FER1L5: variants seen among roughly 807,000 people sequenced by gnomAD.
FER1L5 encodes the protein fer-1-like protein 5.
FER1L5 carries 187 observed loss-of-function variants against 279.9 expected under a neutral mutation model. The ratio of observed to expected loss-of-function variants is 0.67; its 90% CI spans 0.59 to 0.75. FER1L5 has a LOEUF of 0.75. FER1L5 is among the 30% of genes least tolerant of loss of function. FER1L5 has a pLI of 0.00. For missense variants in FER1L5, 2,091 were observed against 2,594.4 expected (o/e 0.81, Z 4.21); for synonymous variants, 921 against 989.7 (o/e 0.93, Z 1.30).
At position 96,703,021 on chromosome 2, in the gene FER1L5, C is replaced by G; in HGVS notation, c.5441C>G (p.Ala1814Gly). Reference protein sequence around the residue: ...SLDATSMKFPARLIIQVWDND... With the variant: ...SLDATSMKFPGRLIIQVWDND... ...GATGCCACGTCCATGAAGTTCCCAG[C>G]CCGACTTATCATCCAGGTCTGGGAC... The change falls in exon 49 of 53, where the codon GCC (alanine) becomes GGC (glycine). Residue 1814 changes from alanine to glycine, a missense_variant. By Grantham distance (60) the Ala-to-Gly change is moderately conservative. Coordinates refer to ENST00000624922, the MANE Select transcript of FER1L5 (RefSeq NM_001293083.2). 6.2e-7 allele frequency: 1 copy of G among 1,613,408 alleles called. No homozygotes were observed. Among genetic ancestry groups the G allele is most frequent in the South Asian group, 1.1e-5 (1 of 90,900 alleles).
chr2:96,700,807 A>G (rs1182827998), intron 45 of FER1L5, among the ~76,000 whole-genome samples: 1 of 152,216 alleles, frequency 6.6e-6, no homozygotes, highest in Non-Finnish European at 1.5e-5. Flanking sequence ...CAGGTCAGAC[A>G]GCGCAGACAT....
In FER1L5 at chr2:96,704,217, G is replaced by A. The variant is rs781321691; in HGVS notation, c.5804G>A (p.Arg1935His). Residue 1935 changes from arginine to histidine, a missense_variant and splice_region_variant, in exon 52 of 53, where the codon CGC (arginine) becomes CAC (histidine). By Grantham distance (29) the Arg-to-His change is conservative (BLOSUM62 0). Coordinates refer to ENST00000624922, the MANE Select transcript of FER1L5 (RefSeq NM_001293083.2). The part of the protein sequence containing the change: ...NQYPTLHPPL[R>H]TNTSFTWLRS... Reference sequence around the variant, plus strand: ...ACATCTCCCTGGCTCCTGGACAGACGCACCAACACCTCTTTCACGTGGCTG... The same window carrying A: ...ACATCTCCCTGGCTCCTGGACAGACACACCAACACCTCTTTCACGTGGCTG... 3 of 1,613,720 alleles carry A rather than the reference G, an allele frequency of 1.9e-6. No homozygotes were observed. The highest frequency in any genetic ancestry group is 2.5e-6 in the Non-Finnish European group (3 of 1,179,842).
intron 8 of FER1L5, 188 bp from the exon 9 acceptor site, chr2:96,654,258 T>A: frequency 2.6e-6 from 1 of 385,892 alleles, no homozygotes; most frequent in African/African-American, 2.1e-5. Context: ...AAAATGGAAT[T>A]AAAAATCTGA....
At chr2:96,665,711 G>A (rs1188010474) in intron 14 of FER1L5, among the ~76,000 whole-genome samples, 1 of 151,230 alleles carries the variant, frequency 6.6e-6, no homozygotes. Context: ...TTTAAGCTAT[G>A]AGTAGCTGGG....
In FER1L5 at chr2:96,702,504, C is replaced by G. The variant is rs2077622312; in HGVS notation, c.5256-96C>G. The G allele has an allele frequency of 3.9e-6, 6 of 1,549,164 alleles. No individual in the cohort carries two copies. In the Admixed American group the frequency reaches 9.8e-5, roughly 25 times the overall value. ...GAATGGGACACCTCTCCATCCAGCT[C>G]TGCCTGGCGTCGGCTGGGCAGCCCT... On this transcript the variant is annotated intron_variant, in intron 47 of 52. Coordinates refer to ENST00000624922, the MANE Select transcript of FER1L5 (RefSeq NM_001293083.2). This position sits in a 1 kb window ranked among gnomAD's most constrained non-coding sequence, Gnocchi z 4.0.
At chr2:96,656,748 CTT>C (rs749398039) in intron 9 of FER1L5, among the ~76,000 whole-genome samples, 26 of 140,594 alleles carry the variant, frequency 1.8e-4, no homozygotes, top group Admixed American at 3.6e-4. Context: ...CCCACTTCCT[CTT>C]TTTTTTTTTT....
At chr2:96,665,096 C>T (rs1310423538) in intron 14 of FER1L5, among the ~76,000 whole-genome samples, 1 of 152,162 alleles carries the variant, frequency 6.6e-6, no homozygotes, top group Non-Finnish European at 1.5e-5. Context: ...CGGAGTCTTA[C>T]TGGCCTTTTG....
intron 6 of FER1L5, among the ~76,000 whole-genome samples, chr2:96,651,291 CT>C (rs2075364703): frequency 1.3e-4 from 18 of 135,470 alleles, no homozygotes; most frequent in Admixed American, 3.0e-4. Context: ...TTCTTTCTTT[CT>C]TTCTTTCTTC....
chr2:96,659,346 C>CTTTCTTTCTTTCTTTCTTTCTTTCTTTCT (rs1558853285), intron 9 of FER1L5, among the ~76,000 whole-genome samples: 1 of 78,348 alleles, frequency 1.3e-5, no homozygotes. Flanking sequence ...TCCTTCCTTC[C>CTTTCTTTCTTTCTTTCTTTCTTTCTTTCT]TTCCTTCCTT....
chr2:96,659,330 C>T (rs1014058722), intron 9 of FER1L5, among the ~76,000 whole-genome samples: 11 of 77,072 alleles, frequency 1.4e-4, no homozygotes, highest in East Asian at 8.6e-4. Flanking sequence ...TCCTTCCTTC[C>T]TTCCTTCCTT....
chr2:96,689,434 C>G lies in FER1L5; in HGVS notation c.2525+58C>G. ...GGACACTTCACCTGGGAGGGCCAGT[C>G]CGCGGCAGCCCAGAAAGATGGGTAC... On this transcript the variant is annotated intron_variant, in intron 25 of 52. Coordinates refer to ENST00000624922, the MANE Select transcript of FER1L5 (RefSeq NM_001293083.2). The surrounding 1 kb of genome is among the most constrained non-coding windows in gnomAD (Gnocchi z 4.6). 3.3e-6 allele frequency: 5 copies of G among 1,534,900 alleles called. No homozygotes were observed. In the South Asian group the frequency reaches 6.1e-5, roughly 19 times the overall value.
rs1392362848 is a variant in FER1L5, at chr2:96,691,566, A to AC, written c.3030dup (p.Lys1011GlnfsTer62). ...TGCTGGCGCCGCAGGCTGGCCCCCAACAAGGACAAGGGCATCGCGCCCATA... is the reference window on the plus strand; with the variant it reads ...TGCTGGCGCCGCAGGCTGGCCCCCAACCAAGGACAAGGGCATCGCGCCCATA... On this transcript the variant is annotated frameshift_variant, in exon 29 of 53. Transcript: ENST00000624922. LOFTEE classifies it high-confidence loss of function. This position sits in a 1 kb window ranked among gnomAD's most constrained non-coding sequence, Gnocchi z 6.0. 3 of 1,548,348 alleles carry AC rather than the reference A, an allele frequency of 1.9e-6. No individual in the cohort carries two copies. In the Admixed American group the frequency reaches 6.0e-5, roughly 31 times the overall value.
chr2:96,662,197 T>G lies in FER1L5; in HGVS notation c.1019-18T>G. 6.4e-7 allele frequency: 1 copy of G among 1,551,426 alleles called. No homozygotes were observed. Among genetic ancestry groups the G allele is most frequent in the Non-Finnish European group, 8.7e-7 (1 of 1,146,768 alleles). On this transcript the variant is annotated intron_variant, in intron 12 of 52. Transcript: ENST00000624922. ...AAAATGCTGCTGGCTCAGATATCTT[T>G]TAACTTGTTGTTCATAGAGAAACAC...
intron 6 of FER1L5, among the ~76,000 whole-genome samples, chr2:96,651,322 C>A (rs1192926163): frequency 2.7e-5 from 4 of 147,460 alleles, no homozygotes; most frequent in Non-Finnish European, 6.0e-5. Flanking sequence ...TTCCTTCTTT[C>A]TCTCTTTCTT....
At chr2:96,668,647 G>A in intron 14 of FER1L5, 104 bp from the exon 15 acceptor site, 1 of 1,352,882 alleles carries the variant, frequency 7.4e-7, no homozygotes, top group Non-Finnish European at 1.0e-6. Flanking sequence ...AACTGAGCCA[G>A]GACTTGCTCC....
intron 23 of FER1L5, among the ~76,000 whole-genome samples, chr2:96,687,057 AC>A (rs2076957549): frequency 6.6e-6 from 1 of 151,170 alleles, no homozygotes; most frequent in African/African-American, 2.4e-5. Flanking sequence ...CCTGACCACC[AC>A]CCCCACCCCT....
In FER1L5 at chr2:96,702,452, G is replaced by A; in HGVS notation, c.5255+51G>A. ...CAGAGCCCCTCAGTTCCCCAGTTCT[G>A]TCATCCTGCTGGCACGGCCCAGTCC... On this transcript the variant is annotated intron_variant, in intron 47 of 52. Coordinates refer to ENST00000624922, the MANE Select transcript of FER1L5 (RefSeq NM_001293083.2). The surrounding 1 kb of genome is among the most constrained non-coding windows in gnomAD (Gnocchi z 4.0). 4 of 1,574,450 alleles carry A rather than the reference G, an allele frequency of 2.5e-6. No homozygotes were observed. The highest frequency in any genetic ancestry group is 3.4e-6 in the Non-Finnish European group (4 of 1,160,728).
chr2:96,697,800 C>T, intron 39 of FER1L5, 39 bp downstream of exon 39: 3 of 1,603,652 alleles, frequency 1.9e-6, no homozygotes, highest in Non-Finnish European at 2.6e-6. Flanking sequence ...ATCAAATCTC[C>T]CACTGGAGGA....
chr2:96,656,426 C>G (rs1406905771), intron 9 of FER1L5, among the ~76,000 whole-genome samples: 2 of 152,200 alleles, frequency 1.3e-5, no homozygotes, highest in Non-Finnish European at 2.9e-5. Context: ...CACCTGAAGT[C>G]AGGAGTTCAA....
Sources: gnomAD v4.1 joint callset for allele counts (sites outside exome capture counted in the v4.1 genomes callset) on GRCh38, gnomAD v4.1.1 for gene constraint, Gnocchi (gnomAD v3.1) non-coding constraint, MANE v1.5 for transcripts, NCBI Gene and HGNC (gene_info 2026-07-23, HGNC 2026-07-21) for gene names.